Variants in HHIP observed in about 807,000 individuals in gnomAD.
HHIP encodes the protein hedgehog interacting protein, also known as hedgehog-interacting protein.
Under a neutral mutation model 74.0 loss-of-function variants are expected in HHIP, and 12 were observed. The ratio of observed to expected loss-of-function variants is 0.16; its 90% CI spans 0.10 to 0.26. The LOEUF (loss-of-function observed/expected upper bound fraction) is 0.26, where lower values mean the gene tolerates loss of function less well. HHIP is among the 10% of genes least tolerant of loss of function. The pLI is 1.00. For missense variants in HHIP, 788 were observed against 845.0 expected (o/e 0.93, Z 0.84); for synonymous variants, 309 against 311.6 (o/e 0.99, Z 0.09).
At chr4:144,706,937 A>G (rs750793547) in intron 5 of HHIP, 150 bp from the exon 6 acceptor site, 2 of 734,060 alleles carry the variant, frequency 2.7e-6, no homozygotes, top group African/African-American at 1.8e-5. Context: ...GTGATTTTCC[A>G]GCAATTTCTG....
chr4:144,707,394 G>T, intron 6 of HHIP, 134 bp downstream of exon 6: 1 of 667,714 alleles, frequency 1.5e-6, no homozygotes, highest in Non-Finnish European at 2.5e-6. Flanking sequence ...TTTGTCATCA[G>T]TGTCTGCATT....
chr4:144,686,956 T>C (rs1429766673), intron 4 of HHIP, among the ~76,000 whole-genome samples: 1 of 151,884 alleles, frequency 6.6e-6, no homozygotes, highest in Non-Finnish European at 1.5e-5. Flanking sequence ...TTCCAAATAA[T>C]TGCTGTTCAA....
chr4:144,729,440 T>A (rs1199742081), intron 11 of HHIP, among the ~76,000 whole-genome samples: 1 of 152,174 alleles, frequency 6.6e-6, no homozygotes, highest in African/African-American at 2.4e-5. Flanking sequence ...AATGGCCACA[T>A]TGATTCCTCC....
chr4:144,718,934 T>C lies in HHIP; in HGVS notation c.1738T>C (p.Tyr580His). ...SMTQTHNGKL[Y>H]KIVDPKRPLM... Reference sequence around the variant, plus strand: ...GACCCAGACTCACAATGGAAAACTCTACAAAATTGTAGATCCCAAAAGGTG... The same window carrying C: ...GACCCAGACTCACAATGGAAAACTCCACAAAATTGTAGATCCCAAAAGGTG... Residue 580 changes from tyrosine to histidine, a missense_variant, in exon 11 of 13, where the codon TAC (tyrosine) becomes CAC (histidine). Transcript: ENST00000296575. The C allele has an allele frequency of 6.2e-7, 1 of 1,601,054 alleles. No homozygotes were observed. The highest frequency in any genetic ancestry group is 8.6e-7 in the Non-Finnish European group (1 of 1,168,340).
At chr4:144,704,137 A>T (rs1367783656) in intron 4 of HHIP, among the ~76,000 whole-genome samples, 1 of 152,204 alleles carries the variant, frequency 6.6e-6, no homozygotes, top group South Asian at 2.1e-4. Context: ...TCTAGATTCA[A>T]GAAAATCTAG....
intron 8 of HHIP, among the ~76,000 whole-genome samples, chr4:144,713,512 A>T (rs1040542769): frequency 1.3e-5 from 2 of 152,152 alleles, no homozygotes; most frequent in Non-Finnish European, 2.9e-5. Context: ...TAATTTTCAG[A>T]TTAATTTGCA....
At chr4:144,731,029 C>T (rs1226011732) in intron 11 of HHIP, among the ~76,000 whole-genome samples, 1 of 152,116 alleles carries the variant, frequency 6.6e-6, no homozygotes, top group African/African-American at 2.4e-5. Flanking sequence ...CAAAATGCAT[C>T]TTTCAGAATG....
chr4:144,703,739 C>A (rs1730053102), intron 4 of HHIP, among the ~76,000 whole-genome samples: 1 of 152,142 alleles, frequency 6.6e-6, no homozygotes, highest in South Asian at 2.1e-4. Flanking sequence ...CGGCTCCAGG[C>A]ACCAACGTCC....
intron 11 of HHIP, among the ~76,000 whole-genome samples, chr4:144,728,090 C>T (rs2353915): frequency 0.55 from 83,577 of 152,034 alleles, 23,655 homozygotes; most frequent in South Asian, 0.76. Context: ...TCTTTAACCA[C>T]AGAAGAAAAT....
chr4:144,701,908 C>G (rs1160133306), intron 4 of HHIP, among the ~76,000 whole-genome samples: 1 of 152,138 alleles, frequency 6.6e-6, no homozygotes, highest in Admixed American at 6.5e-5. Context: ...CAGAAAAAAA[C>G]TAACTGTAAC....
At chr4:144,678,341 T>G (rs1212735151) in intron 4 of HHIP, among the ~76,000 whole-genome samples, 1 of 152,196 alleles carries the variant, frequency 6.6e-6, no homozygotes, top group East Asian at 1.9e-4. Flanking sequence ...TTTCCAATGA[T>G]GTTGAACTCC....
chr4:144,682,964 C>T lies in HHIP; in HGVS notation c.831+23126C>T, dbSNP rs772658863. 5.3e-5 allele frequency among the ~76,000 whole-genome samples: 8 copies of T among 152,012 alleles called. 1 individual carries two copies. The highest frequency in any genetic ancestry group is 3.8e-4 in the East Asian group (2 of 5,198). ...ATAAAACAAAGCTTGGATATATTTG[C>T]GTTTAGAGGAAGAAATAGATTTAAG... On this transcript the variant is annotated intron_variant, in intron 4 of 12. Transcript: ENST00000296575.
chr4:144,716,886 A>AAAG (rs1730467265), intron 10 of HHIP, among the ~76,000 whole-genome samples: 34 of 141,134 alleles, frequency 2.4e-4, no homozygotes, highest in South Asian at 2.4e-4. Context: ...AAAAAAAAAA[A>AAAG]AAGTAAAAGA....
At chr4:144,654,060 G>A (rs369958357) in intron 2 of HHIP, among the ~76,000 whole-genome samples, 1 of 152,070 alleles carries the variant, frequency 6.6e-6, no homozygotes, top group East Asian at 1.9e-4. Flanking sequence ...TTTGCCTTTA[G>A]GACTATAAAT....
chr4:144,699,878 T>C (rs1160024540), intron 4 of HHIP, among the ~76,000 whole-genome samples: 1 of 152,176 alleles, frequency 6.6e-6, no homozygotes, highest in Non-Finnish European at 1.5e-5. Context: ...TGAAAAGCGA[T>C]GCTTCTTATC....
At chr4:144,719,936 A>G (rs935146444) in intron 11 of HHIP, among the ~76,000 whole-genome samples, 2 of 152,190 alleles carry the variant, frequency 1.3e-5, no homozygotes, top group African/African-American at 2.4e-5. Flanking sequence ...TGCAAATTGT[A>G]TATGTTTTTC....
At chr4:144,697,142 A>G (rs1190965747) in intron 4 of HHIP, among the ~76,000 whole-genome samples, 1 of 151,946 alleles carries the variant, frequency 6.6e-6, no homozygotes, top group East Asian at 1.9e-4. Context: ...ATTCATTTTT[A>G]TTCCCAAGAA....
chr4:144,724,748 A>G (rs1481538651), intron 11 of HHIP, among the ~76,000 whole-genome samples: 3 of 149,108 alleles, frequency 2.0e-5, no homozygotes, highest in South Asian at 2.1e-4. Context: ...CATTTCCTGG[A>G]AATGTGACAT....
Position 144,658,844 on chromosome 4 carries a change from G to C in HHIP, c.527G>C (p.Gly176Ala). 6.2e-7 allele frequency: 1 copy of C among 1,613,732 alleles called. No homozygotes were observed. The highest frequency in any genetic ancestry group is 8.5e-7 in the Non-Finnish European group (1 of 1,179,734). ...TGCTTTTACTATGCAAGAAAAGATG[G>C]TGGGTTGTGCTTTCCAGATTTTCCA... ...EFCFYYARKD[G>A]GLCFPDFPRK... is the part of the protein sequence containing the mutation. Residue 176 changes from glycine to alanine, a missense_variant, in exon 3 of 13, where the codon GGT (glycine) becomes GCT (alanine). This residue lies in a region of HHIP where 373 missense variants were observed against 366.4 expected (regional missense o/e 1.02). Transcript: ENST00000296575.
Sources: gnomAD v4.1 joint callset for allele counts (sites outside exome capture counted in the v4.1 genomes callset) on GRCh38, gnomAD v4.1.1 for gene constraint, gnomAD v4.1.1 regional missense constraint, MANE v1.5 for transcripts, NCBI Gene and HGNC (gene_info 2026-07-23, HGNC 2026-07-21) for gene names.